MCOLN2: variants seen among roughly 807,000 people sequenced by gnomAD.
MCOLN2 encodes mucolipin-2.
A neutral mutation model predicts 67.5 loss-of-function variants in MCOLN2; 57 were observed. The observed-to-expected ratio is 0.84, with a 90% CI of 0.68 to 1.05. MCOLN2 has a LOEUF of 1.05. MCOLN2 is among the 50% of genes least tolerant of loss of function. The pLI, the probability that MCOLN2 is intolerant of heterozygous loss-of-function variation, is 0.00. For missense variants in MCOLN2, 620 were observed against 678.8 expected (o/e 0.91, Z 0.96); for synonymous variants, 246 against 233.3 (o/e 1.05, Z -0.50).
intron 11 of MCOLN2, among the ~76,000 whole-genome samples, chr1:84,933,930 T>C (rs1221825757): frequency 6.6e-6 from 1 of 152,192 alleles, no homozygotes; most frequent in African/African-American, 2.4e-5. Flanking sequence ...ACCCAGTCAA[T>C]TTTAGGTGTT....
chr1:84,982,675 T>C (rs1650316321), intron 1 of MCOLN2, among the ~76,000 whole-genome samples: 1 of 152,176 alleles, frequency 6.6e-6, no homozygotes, highest in Non-Finnish European at 1.5e-5. Context: ...CTAACTGCTA[T>C]TATAAACTTG....
intron 1 of MCOLN2, among the ~76,000 whole-genome samples, chr1:84,970,028 A>G (rs1649588595): frequency 6.6e-6 from 1 of 152,228 alleles, no homozygotes; most frequent in African/African-American, 2.4e-5. Flanking sequence ...AACATCCTCA[A>G]ACATGAACTT....
intron 2 of MCOLN2, among the ~76,000 whole-genome samples, chr1:84,959,066 C>T (rs1439529380): frequency 6.6e-6 from 1 of 152,164 alleles, no homozygotes; most frequent in East Asian, 1.9e-4. Context: ...AGCAGTAACT[C>T]ATTGTATTGA....
intron 1 of MCOLN2, among the ~76,000 whole-genome samples, chr1:84,969,498 G>A (rs566430997): frequency 6.6e-6 from 1 of 151,508 alleles, no homozygotes; most frequent in East Asian, 1.9e-4. Context: ...TTGAACCTGG[G>A]AGGCAGAGGT....
At chr1:84,961,679 T>A (rs936114927) in intron 2 of MCOLN2, among the ~76,000 whole-genome samples, 7 of 152,148 alleles carry the variant, frequency 4.6e-5, no homozygotes, top group African/African-American at 1.4e-4. Flanking sequence ...GGGTTTTTTT[T>A]AAAGGCATTG....
chr1:84,988,473 G>A (rs544649167), intron 1 of MCOLN2, among the ~76,000 whole-genome samples: 1 of 152,250 alleles, frequency 6.6e-6, no homozygotes, highest in African/African-American at 2.4e-5. Flanking sequence ...TGATTCTAAT[G>A]TGTAGCAAAG....
At chr1:84,963,591 A>T (rs1649208875) in intron 2 of MCOLN2, among the ~76,000 whole-genome samples, 1 of 152,260 alleles carries the variant, frequency 6.6e-6, no homozygotes, top group Non-Finnish European at 1.5e-5. Context: ...AGGTGACTAG[A>T]TCATGGGGGT....
intron 1 of MCOLN2, among the ~76,000 whole-genome samples, chr1:84,987,075 C>T (rs1006022228): frequency 3.3e-5 from 5 of 151,916 alleles, no homozygotes; most frequent in Non-Finnish European, 5.9e-5. Context: ...TACTTGTACA[C>T]GCATGTTTAT....
intron 2 of MCOLN2, among the ~76,000 whole-genome samples, chr1:84,962,195 A>G (rs1248408912): frequency 6.6e-6 from 1 of 152,238 alleles, no homozygotes; most frequent in Non-Finnish European, 1.5e-5. Flanking sequence ...TAGGGGAAAC[A>G]GGGTATGCCC....
intron 1 of MCOLN2, among the ~76,000 whole-genome samples, chr1:84,973,323 T>C (rs1341974734): frequency 6.6e-6 from 1 of 151,936 alleles, no homozygotes; most frequent in Non-Finnish European, 1.5e-5. Context: ...CAAAAACTTT[T>C]TAAAATCAGC....
chr1:84,926,781 A>G (rs1274960542), intron 13 of MCOLN2, 60 bp from the exon 14 acceptor site: 3 of 1,310,128 alleles, frequency 2.3e-6, no homozygotes, highest in East Asian at 4.8e-5. Flanking sequence ...ATCTTTGAGG[A>G]GCAATAGGAA....
chr1:84,986,043 T>TACTCTAAGGCC (rs1650490203), intron 1 of MCOLN2, among the ~76,000 whole-genome samples: 2 of 152,228 alleles, frequency 1.3e-5, no homozygotes, highest in South Asian at 2.1e-4. Context: ...CTTCAAACTA[T>TACTCTAAGGCC]ACTCTAAGGC....
At chr1:84,942,063 T>C (rs1486612501) in intron 7 of MCOLN2, among the ~76,000 whole-genome samples, 1 of 152,230 alleles carries the variant, frequency 6.6e-6, no homozygotes, top group Admixed American at 6.5e-5. Flanking sequence ...CATGCTGATC[T>C]GTCTGCCTGG....
Position 84,939,810 on chromosome 1 carries a change from T to A in MCOLN2, c.961-108A>T, listed in dbSNP as rs140589131. 82 of 1,200,132 alleles carry A rather than the reference T, an allele frequency of 6.8e-5. 1 individual carries two copies. Among genetic ancestry groups the A allele is most frequent in the South Asian group, 1.9e-4 (14 of 74,100 alleles). The allele number at this position is 1,200,132 out of a possible 1,614,324, so 74.3% of individuals were successfully genotyped here. A position where few individuals can be genotyped will look rare whatever the true frequency, so the allele number is the denominator to read the frequency against. Reference sequence around the variant, plus strand: ...ACCTGTAAAAGGACATGGCATTGCCTTTCCAATTTGCCAGATCCACCTCGA... The same window carrying A: ...ACCTGTAAAAGGACATGGCATTGCCATTCCAATTTGCCAGATCCACCTCGA... On this transcript the variant is annotated intron_variant, in intron 8 of 13. Coordinates refer to ENST00000370608, the MANE Select transcript of MCOLN2 (RefSeq NM_153259.4).
chr1:84,966,955 C>T (rs1440497747), intron 1 of MCOLN2, among the ~76,000 whole-genome samples: 4 of 152,124 alleles, frequency 2.6e-5, no homozygotes, highest in African/African-American at 7.2e-5. Flanking sequence ...ATATAACTTA[C>T]AGCATATGTA....
chr1:84,933,001 TCTC>T (rs760200060), intron 11 of MCOLN2, among the ~76,000 whole-genome samples: 1 of 152,160 alleles, frequency 6.6e-6, no homozygotes, highest in Non-Finnish European at 1.5e-5. Flanking sequence ...CCTCATCACA[TCTC>T]CTCCTTGACA....
intron 1 of MCOLN2, among the ~76,000 whole-genome samples, chr1:84,967,774 GA>G (rs1337793972): frequency 1.5e-5 from 2 of 134,286 alleles, no homozygotes; most frequent in African/African-American, 5.6e-5. Flanking sequence ...AGGAGAGAGG[GA>G]GGGAGGGAAG....
Position 84,929,298 on chromosome 1 carries a change from G to A in MCOLN2, c.1664+260C>T, listed in dbSNP as rs144205998. ...AAGAGTTCAGCCTCTTGACTTTAAGGACATAATTTATGCCTTCTCTTAAGA... is the reference window on the plus strand; with the variant it reads ...AAGAGTTCAGCCTCTTGACTTTAAGAACATAATTTATGCCTTCTCTTAAGA... On this transcript the variant is annotated intron_variant, in intron 13 of 13. Coordinates refer to ENST00000370608, the MANE Select transcript of MCOLN2 (RefSeq NM_153259.4). 3.1e-4 allele frequency among the ~76,000 whole-genome samples: 47 copies of A among 152,268 alleles called. 3 individuals are homozygous for A. The South Asian group carries it at 5.4e-3, about 17-fold the overall frequency.
chr1:84,955,434 A>G (rs932102143), intron 4 of MCOLN2, among the ~76,000 whole-genome samples: 17 of 152,178 alleles, frequency 1.1e-4, no homozygotes, highest in Non-Finnish European at 1.9e-4. Flanking sequence ...CCAAACAGGA[A>G]AAAAATCAAG....
Sources: allele counts gnomAD v4.1 joint callset (sites outside exome capture counted in the v4.1 genomes callset), GRCh38; gene constraint gnomAD v4.1.1; transcripts MANE v1.5; gene names NCBI Gene and HGNC (gene_info 2026-07-23, HGNC 2026-07-21).